Variants in CADPS observed in about 807,000 individuals in gnomAD.
CADPS encodes calcium dependent secretion activator.
Under a neutral mutation model 167.3 loss-of-function variants are expected in CADPS, and 57 were observed. The observed-to-expected ratio is 0.34, with a 90% confidence interval of 0.28 to 0.42. The LOEUF is 0.42. Ranked by LOEUF, CADPS falls within the 20% of genes least tolerant of loss-of-function variation. CADPS has a pLI of 1.00. For synonymous variants in CADPS, 676 were observed against 635.3 expected (o/e 1.06, Z -0.96); for missense variants, 1,414 against 1,738.1 (o/e 0.81, Z 3.32).
intron 13 of CADPS, 91 bp from the exon 14 acceptor site, chr3:62,518,341 A>G (rs2069515528): frequency 1.1e-6 from 1 of 922,504 alleles, no homozygotes; most frequent in Non-Finnish European, 1.7e-6. Context: ...TCCATTTTAG[A>G]AGAAACAACT....
rs1266134780 is a variant in CADPS, at chr3:62,762,615, G to T, written c.555+3256C>A. The stretch of plus-strand genomic sequence containing the variant: ...AGGCTGCAGTGAGCTGTGATTATAT[G>T]ACTGCACTCCAGCCTGGGTAACAGA... On this transcript the variant is annotated intron_variant, in intron 2 of 29. Coordinates refer to ENST00000383710, the MANE Select transcript of CADPS (RefSeq NM_003716.4). 1.3e-4 allele frequency among the ~76,000 whole-genome samples: 18 copies of T among 141,604 alleles called. No individual in the cohort carries two copies. The East Asian group carries it at 3.8e-3, about 30-fold the overall frequency. 92.9% of individuals were successfully genotyped at this position (141,604 alleles called of 152,430 possible).
chr3:62,721,139 A>ATTTTTTTTTTT (rs1268261563), intron 3 of CADPS, among the ~76,000 whole-genome samples: 7 of 112,972 alleles, frequency 6.2e-5, no homozygotes, highest in Admixed American at 9.2e-5. Flanking sequence ...TTTTTTAAAA[A>ATTTTTTTTTTT]AAAAAAGAAG....
At chr3:62,834,379 A>G (rs1157091968) in intron 1 of CADPS, among the ~76,000 whole-genome samples, 1 of 152,174 alleles carries the variant, frequency 6.6e-6, no homozygotes, top group Non-Finnish European at 1.5e-5. Context: ...CTCACTGCTT[A>G]TAGAAAATTA....
At chr3:62,491,298 T>C in intron 21 of CADPS, 41 bp downstream of exon 21, 1 of 1,605,348 alleles carries the variant, frequency 6.2e-7, no homozygotes, top group African/African-American at 1.3e-5. Flanking sequence ...CTCCAGCCAT[T>C]TGTACCCAAA....
At chr3:62,513,824 G>A (rs866844612) in intron 16 of CADPS, 1 of 656,368 alleles carries the variant, frequency 1.5e-6, no homozygotes, top group South Asian at 1.9e-5. Context: ...GAGTATTTTG[G>A]GATAAACACA....
intron 1 of CADPS, among the ~76,000 whole-genome samples, chr3:62,794,792 A>AAAAAAAAAAAAAG (rs1559654139): frequency 3.4e-5 from 5 of 147,452 alleles, no homozygotes; most frequent in African/African-American, 8.0e-5. Flanking sequence ...AAAAAAAAAA[A>AAAAAAAAAAAAAG]AAAAAAAAAA....
chr3:62,442,025 T>C (rs2056395674), intron 27 of CADPS, among the ~76,000 whole-genome samples: 1 of 152,142 alleles, frequency 6.6e-6, no homozygotes, highest in African/African-American at 2.4e-5. Context: ...CCTGGGACTC[T>C]GTATTAACAA....
At chr3:62,843,159 T>C (rs1403203483) in intron 1 of CADPS, among the ~76,000 whole-genome samples, 1 of 152,244 alleles carries the variant, frequency 6.6e-6, no homozygotes, top group Non-Finnish European at 1.5e-5. Context: ...TGAAGAATGA[T>C]CTTCCCTATG....
chr3:62,514,730 C>T lies in CADPS; in HGVS notation c.2581+1329G>A, dbSNP rs986127539. On this transcript the variant is annotated intron_variant, in intron 16 of 29. Transcript: ENST00000383710. The surrounding 1 kb of genome is among the most constrained non-coding windows in gnomAD (Gnocchi z 4.2). ...TGAGGCAGCAGCCATGGCAACAGAACGTTTCTTGATCCCATCCCATCTCTG... is the reference window on the plus strand; with the variant it reads ...TGAGGCAGCAGCCATGGCAACAGAATGTTTCTTGATCCCATCCCATCTCTG... 1.3e-5 allele frequency among the ~76,000 whole-genome samples: 2 copies of T among 152,150 alleles called. No individual in the cohort carries two copies. The highest frequency in any genetic ancestry group is 4.8e-5 in the African/African-American group (2 of 41,442).
At chr3:62,530,989 A>C (rs1285449598) in intron 13 of CADPS, among the ~76,000 whole-genome samples, 1 of 152,224 alleles carries the variant, frequency 6.6e-6, no homozygotes, top group Non-Finnish European at 1.5e-5. Context: ...TGCATAAGGA[A>C]AATCAGAACT....
chr3:62,475,717 C>A (rs1286842983), intron 23 of CADPS, among the ~76,000 whole-genome samples: 2 of 150,270 alleles, frequency 1.3e-5, no homozygotes, highest in Non-Finnish European at 3.0e-5. Context: ...AAGTAGCTTT[C>A]TAATCATGAT....
At chr3:62,672,705 C>T (rs2075741628) in intron 3 of CADPS, among the ~76,000 whole-genome samples, 1 of 152,134 alleles carries the variant, frequency 6.6e-6, no homozygotes, top group Non-Finnish European at 1.5e-5. Flanking sequence ...CTCACTGCAG[C>T]CTTGACCTCC....
intron 22 of CADPS, among the ~76,000 whole-genome samples, chr3:62,481,027 A>G (rs1221429032): frequency 6.6e-6 from 1 of 152,188 alleles, no homozygotes; most frequent in Non-Finnish European, 1.5e-5. Context: ...CTATATTCAG[A>G]TGATATGGCT....
intron 28 of CADPS, among the ~76,000 whole-genome samples, chr3:62,423,412 C>T (rs527536473): frequency 1.7e-4 from 26 of 152,248 alleles, no homozygotes; most frequent in East Asian, 3.9e-4. Flanking sequence ...TTATATCCTG[C>T]GGTGATCCAT....
rs568303885 is a variant in CADPS at position 62,406,536 on chromosome 3, G to A, written c.3778-3351C>T. Among the ~76,000 whole-genome samples the A allele has an allele frequency of 1.7e-3, 264 of 152,254 alleles. 1 individual carries two copies. The highest frequency in any genetic ancestry group is 3.0e-3 in the Non-Finnish European group (204 of 68,014). On this transcript the variant is annotated intron_variant, in intron 28 of 29. Transcript: ENST00000383710. The stretch of plus-strand genomic sequence containing the variant: ...AACTTTTCGGTAAAATATACTCTAA[G>A]TCTGTAGAAATAAGAATTGTGGGCT...
At chr3:62,802,318 C>T (rs1186194723) in intron 1 of CADPS, among the ~76,000 whole-genome samples, 1 of 152,122 alleles carries the variant, frequency 6.6e-6, no homozygotes, top group Non-Finnish European at 1.5e-5. Context: ...CCTACAAAAC[C>T]AGCTTGTCTG....
chr3:62,852,382 C>T (rs1215357959), intron 1 of CADPS, among the ~76,000 whole-genome samples: 2 of 152,138 alleles, frequency 1.3e-5, no homozygotes, highest in African/African-American at 2.4e-5. Context: ...ACACTGGGAG[C>T]TGTAGACCGG....
intron 27 of CADPS, among the ~76,000 whole-genome samples, chr3:62,442,484 G>T (rs566043903): frequency 6.6e-6 from 1 of 152,228 alleles, no homozygotes; most frequent in African/African-American, 2.4e-5. Context: ...CTCCCAAAGT[G>T]CTGGTATTAT....
chr3:62,637,559 G>T (rs1399717581), intron 6 of CADPS, among the ~76,000 whole-genome samples: 1 of 152,188 alleles, frequency 6.6e-6, no homozygotes, highest in Admixed American at 6.5e-5. Context: ...GCTGGTGTGT[G>T]CGCCAGCACG....
Sources: allele counts gnomAD v4.1 joint callset (sites outside exome capture counted in the v4.1 genomes callset), GRCh38; gene constraint gnomAD v4.1.1; non-coding constraint Gnocchi (gnomAD v3.1); transcripts MANE v1.5; gene names NCBI Gene and HGNC (gene_info 2026-07-23, HGNC 2026-07-21).